The following LIN52 variants were observed in gnomAD, a reference collection of about 807,000 sequenced individuals.
LIN52 encodes the protein lin-52 DREAM MuvB core complex component, also known as protein lin-52 homolog.
A neutral mutation model predicts 18.5 loss-of-function variants in LIN52; 4 were observed. The ratio of observed to expected loss-of-function variants is 0.22; its 90% CI spans 0.11 to 0.49. The LOEUF (loss-of-function observed/expected upper bound fraction) is 0.49, where lower values mean the gene tolerates loss of function less well. LIN52 is among the 20% of genes least tolerant of loss of function. The pLI, the probability that LIN52 is intolerant of heterozygous loss-of-function variation, is 0.97. For synonymous variants in LIN52, 34 were observed against 45.5 expected (o/e 0.75, Z 1.02); for missense variants, 102 against 139.5 (o/e 0.73, Z 1.35).
intron 5 of LIN52, among the ~76,000 whole-genome samples, chr14:74,172,184 C>G (rs537171237): frequency 6.6e-6 from 1 of 152,300 alleles, no homozygotes; most frequent in South Asian, 2.1e-4. Context: ...TCTGTTACAG[C>G]ACTGTCATAT....
chr14:74,179,660 AAAAAAAAAAG>A (rs2061309010), intron 5 of LIN52, among the ~76,000 whole-genome samples: 1 of 95,232 alleles, frequency 1.1e-5, no homozygotes. Context: ...CATCTCAAAA[AAAAAAAAAAG>A]AAAAAAAAGA....
intron 5 of LIN52, among the ~76,000 whole-genome samples, chr14:74,181,824 C>T (rs2061319994): frequency 1.3e-5 from 2 of 152,110 alleles, no homozygotes; most frequent in South Asian, 4.1e-4. Flanking sequence ...GGGAAAATAA[C>T]CACTACCATA....
chr14:74,138,935 ATT>A (rs5809649), intron 5 of LIN52, among the ~76,000 whole-genome samples: 42,307 of 146,740 alleles, frequency 0.29, 6,860 homozygotes, highest in East Asian at 0.76. Flanking sequence ...ACAAGGTAGC[ATT>A]TTTTTTTTTT....
chr14:74,159,029 G>C (rs917369370), intron 5 of LIN52, among the ~76,000 whole-genome samples: 4 of 152,238 alleles, frequency 2.6e-5, no homozygotes, highest in African/African-American at 9.6e-5. Flanking sequence ...TTCCAACACA[G>C]GGTTCCTGGG....
chr14:74,087,834 C>T (rs760278505), intron 1 of LIN52, among the ~76,000 whole-genome samples: 2 of 152,186 alleles, frequency 1.3e-5, no homozygotes, highest in Non-Finnish European at 2.9e-5. Context: ...GTAAGACTCA[C>T]AGCAGAGTCT....
chr14:74,120,612 G>A (rs12883837), intron 5 of LIN52, among the ~76,000 whole-genome samples: 16,952 of 152,016 alleles, frequency 0.11, 1,244 homozygotes, highest in Admixed American at 0.19. Context: ...AAAATTAGCC[G>A]GGCTTGGTGG....
chr14:74,178,917 CA>C (rs199611190), intron 5 of LIN52, among the ~76,000 whole-genome samples: 1 of 149,078 alleles, frequency 6.7e-6, no homozygotes, highest in Non-Finnish European at 1.5e-5. Context: ...CCCATCTCTA[CA>C]AAAAAAAACA....
intron 5 of LIN52, among the ~76,000 whole-genome samples, chr14:74,135,911 A>G (rs1308047087): frequency 2.0e-5 from 3 of 151,928 alleles, no homozygotes; most frequent in African/African-American, 7.3e-5. Context: ...TGTAAAGTTT[A>G]GTGTTCATTG....
chr14:74,189,905 TTACTTCTTGGA>T (rs2061356221), intron 5 of LIN52, among the ~76,000 whole-genome samples: 1 of 152,224 alleles, frequency 6.6e-6, no homozygotes, highest in Non-Finnish European at 1.5e-5. Flanking sequence ...CTTTTTCATA[TTACTTCTTGGA>T]TAAAACACTG....
intron 5 of LIN52, among the ~76,000 whole-genome samples, chr14:74,161,411 C>T (rs1041070270): frequency 6.6e-6 from 1 of 152,194 alleles, no homozygotes; most frequent in Non-Finnish European, 1.5e-5. Context: ...GTCTCAAACT[C>T]CTGACCTCAG....
chr14:74,160,657 A>G (rs1220751853), intron 5 of LIN52, among the ~76,000 whole-genome samples: 2 of 152,202 alleles, frequency 1.3e-5, no homozygotes, highest in Non-Finnish European at 2.9e-5. Flanking sequence ...CCTTCTAGTT[A>G]AAGTCTACTA....
chr14:74,091,773 C>CAAAA (rs573705378), intron 2 of LIN52, among the ~76,000 whole-genome samples: 4 of 65,298 alleles, frequency 6.1e-5, no homozygotes, highest in Non-Finnish European at 1.2e-4. Context: ...GACTCTGTCT[C>CAAAA]AAAAAAAAAA....
chr14:74,139,150 T>C (rs973492573), intron 5 of LIN52, among the ~76,000 whole-genome samples: 2 of 152,204 alleles, frequency 1.3e-5, no homozygotes, highest in Non-Finnish European at 2.9e-5. Context: ...GCTGACACTT[T>C]TCTTTTTAAG....
At chr14:74,133,031 C>G (rs558815199) in intron 5 of LIN52, among the ~76,000 whole-genome samples, 1 of 151,928 alleles carries the variant, frequency 6.6e-6, no homozygotes, top group African/African-American at 2.4e-5. Flanking sequence ...AAAAACAACC[C>G]ATTTCTTGAC....
rs769076793 is a variant in LIN52, at chr14:74,099,279, TA to T, written c.199+1428del. ...ATGACTGTGGCATGATAAATGAGAT[TA>T]AAAAAAAACACCTTTATTTGATTTT... On this transcript the variant is annotated intron_variant, in intron 4 of 5. Coordinates refer to ENST00000555028, the MANE Select transcript of LIN52 (RefSeq NM_001024674.3). Among the ~76,000 whole-genome samples, 562 of 150,994 alleles carry T rather than the reference TA, an allele frequency of 3.7e-3. 4 individuals are homozygous for T. The highest frequency in any genetic ancestry group is 0.013 in the African/African-American group (517 of 41,136).
At chr14:74,194,942 C>T (rs776529053) in intron 5 of LIN52, among the ~76,000 whole-genome samples, 2 of 152,084 alleles carry the variant, frequency 1.3e-5, no homozygotes, top group African/African-American at 4.8e-5. Flanking sequence ...GTCAGGAGTC[C>T]GAGACCAGCC....
chr14:74,118,492 C>T lies in LIN52; in HGVS notation c.283+17254C>T, dbSNP rs532760931. Among the ~76,000 whole-genome samples, 13 of 152,240 alleles carry T rather than the reference C, an allele frequency of 8.5e-5. No individual in the cohort carries two copies. The East Asian group carries it at 1.2e-3, about 14-fold the overall frequency. ...AAACAGATCAAGATACAGAACGTTGCGCCTGGTGCTGTGGCTCATGCCTGT... is the reference window on the plus strand; with the variant it reads ...AAACAGATCAAGATACAGAACGTTGTGCCTGGTGCTGTGGCTCATGCCTGT... On this transcript the variant is annotated intron_variant, in intron 5 of 5. Coordinates refer to ENST00000555028, the MANE Select transcript of LIN52 (RefSeq NM_001024674.3).
At chr14:74,183,098 TCTC>T (rs1233373043) in intron 5 of LIN52, among the ~76,000 whole-genome samples, 2 of 89,862 alleles carry the variant, frequency 2.2e-5, no homozygotes, top group East Asian at 4.1e-4. Context: ...TCTCTCTCTC[TCTC>T]TCTTTTTTTT....
intron 5 of LIN52, among the ~76,000 whole-genome samples, chr14:74,139,816 A>C (rs1380648438): frequency 1.3e-5 from 2 of 152,178 alleles, no homozygotes; most frequent in Non-Finnish European, 2.9e-5. Flanking sequence ...GTTTATTTTT[A>C]TATTCACTGT....
Sources: allele counts gnomAD v4.1 joint callset (sites outside exome capture counted in the v4.1 genomes callset), GRCh38; gene constraint gnomAD v4.1.1; transcripts MANE v1.5; gene names NCBI Gene and HGNC (gene_info 2026-07-23, HGNC 2026-07-21).